The following FSD1L variants were observed in gnomAD, a reference collection of about 807,000 sequenced individuals.
FSD1L encodes fibronectin type III and SPRY domain containing 1 like, also known as FSD1-like protein.
FSD1L carries 45 observed loss-of-function variants against 71.6 expected under a neutral mutation model. That is an observed-to-expected ratio of 0.63 (90% CI 0.49 to 0.81). The LOEUF (loss-of-function observed/expected upper bound fraction) is 0.81, where lower values mean the gene tolerates loss of function less well. FSD1L is among the 30% of genes least tolerant of loss of function. The pLI is 0.00. For missense variants in FSD1L, 561 were observed against 618.1 expected (o/e 0.91, Z 0.98); for synonymous variants, 197 against 207.2 (o/e 0.95, Z 0.42).
At chr9:105,514,327 A>G (rs912035968) in intron 10 of FSD1L, among the ~76,000 whole-genome samples, 3 of 152,212 alleles carry the variant, frequency 2.0e-5, no homozygotes, top group East Asian at 1.9e-4. Context: ...TTAAGGTTAT[A>G]TTATTTCTCC....
rs1837125014 is a variant in FSD1L, at chr9:105,548,394, T to C, written c.*1911T>C. ...TTTAACAAATATGACACAGAAAAGGTCAGATGCTGTTGTATAAAATTTTTT... is the reference window on the plus strand; with the variant it reads ...TTTAACAAATATGACACAGAAAAGGCCAGATGCTGTTGTATAAAATTTTTT... On this transcript the variant is annotated 3_prime_UTR_variant, in exon 14 of 14. Transcript: ENST00000481272. 6.6e-6 allele frequency: 1 copy of C among 152,528 alleles called. No individual in the cohort carries two copies. The allele number at this position is 152,528 out of a possible 1,614,324, so 9.4% of individuals were successfully genotyped here.
At position 105,461,614 on chromosome 9, in the gene FSD1L, A is replaced by G; in HGVS notation, c.110A>G (p.Gln37Arg). The change falls in exon 2 of 14, where the codon CAG (glutamine) becomes CGG (arginine). Residue 37 changes from glutamine (Q) to arginine (R), a missense_variant and splice_region_variant. Physicochemically the swap from Gln to Arg is conservative, Grantham distance 43. Coordinates refer to ENST00000481272, the MANE Select transcript of FSD1L (RefSeq NM_001145313.3). ...TIGPESINLQQEALQRIISTL... is the reference protein window; with the variant it reads ...TIGPESINLQREALQRIISTL... The stretch of plus-strand genomic sequence containing the variant: ...GGACCAGAGTCTATTAACTTGCAGC[A>G]GGTTGGTAGCTCTTAAAGGAGCAGA... The G allele has an allele frequency of 1.9e-6, 3 of 1,542,404 alleles. No homozygotes were observed. The highest frequency in any genetic ancestry group is 3.3e-4 in the Middle Eastern group (2 of 5,972).
At position 105,547,797 on chromosome 9, in the gene FSD1L, A is replaced by G. The variant is rs1837092204; in HGVS notation, c.*1314A>G. 1 of 152,104 alleles carries G rather than the reference A, an allele frequency of 6.6e-6. No individual in the cohort carries two copies. The highest frequency in any genetic ancestry group is 2.4e-5 in the African/African-American group (1 of 41,442). The allele number at this position is 152,104 out of a possible 1,614,324, so 9.4% of individuals were successfully genotyped here. ...TACAGTATTTAATAATTCTTTGGGC[A>G]TTTTTAAGAGGTCTGAATTTGTATT... On this transcript the variant is annotated 3_prime_UTR_variant, in exon 14 of 14. Coordinates refer to ENST00000481272, the MANE Select transcript of FSD1L (RefSeq NM_001145313.3).
chr9:105,457,758 C>T (rs1420173054), intron 1 of FSD1L, among the ~76,000 whole-genome samples: 1 of 152,168 alleles, frequency 6.6e-6, no homozygotes, highest in Admixed American at 6.5e-5. Flanking sequence ...AGGCATGGAG[C>T]AGTGAGGGGT....
intron 10 of FSD1L, chr9:105,524,657 A>G: frequency 6.2e-7 from 1 of 1,613,962 alleles, no homozygotes; most frequent in Non-Finnish European, 8.5e-7. Context: ...TGCATTTGGA[A>G]AGTCTGAAAG....
At chr9:105,485,798 C>G (rs534814985) in intron 7 of FSD1L, among the ~76,000 whole-genome samples, 2 of 152,104 alleles carry the variant, frequency 1.3e-5, no homozygotes, top group African/African-American at 4.8e-5. Flanking sequence ...CAGCCGTCAC[C>G]AAGCCTGGCT....
At chr9:105,463,059 A>AC (rs1419251259) in intron 2 of FSD1L, among the ~76,000 whole-genome samples, 2 of 150,440 alleles carry the variant, frequency 1.3e-5, no homozygotes, top group African/African-American at 4.9e-5. Flanking sequence ...AATTGCTTGA[A>AC]CCCGGGAGGT....
chr9:105,544,672 GT>G (rs1836858926), intron 13 of FSD1L, among the ~76,000 whole-genome samples: 1 of 151,900 alleles, frequency 6.6e-6, no homozygotes, highest in South Asian at 2.1e-4. Flanking sequence ...AGCACCATTT[GT>G]TAAATAGGGA....
chr9:105,499,591 A>G (rs1210233379), intron 7 of FSD1L, among the ~76,000 whole-genome samples: 1 of 150,942 alleles, frequency 6.6e-6, no homozygotes, highest in Non-Finnish European at 1.5e-5. Context: ...GCTTCTTTCA[A>G]GTGTTTTCCT....
At chr9:105,448,332 G>A in intron 1 of FSD1L, 97 bp downstream of exon 1, 1 of 1,140,772 alleles carries the variant, frequency 8.8e-7, no homozygotes, top group Non-Finnish European at 1.2e-6. Context: ...TGCGCGGGGT[G>A]GGCCTGGCCG....
intron 5 of FSD1L, among the ~76,000 whole-genome samples, chr9:105,477,413 C>T (rs1831876454): frequency 6.6e-6 from 1 of 152,164 alleles, no homozygotes; most frequent in African/African-American, 2.4e-5. Flanking sequence ...CAGGGGCTGC[C>T]TCAGGTGATG....
chr9:105,469,263 A>G (rs1423083420), intron 4 of FSD1L, among the ~76,000 whole-genome samples: 3 of 152,118 alleles, frequency 2.0e-5, no homozygotes, highest in Admixed American at 6.5e-5. Flanking sequence ...TCTGTTTTCA[A>G]TTGTTTTGGA....
chr9:105,517,415 G>T (rs1834799608), intron 10 of FSD1L, among the ~76,000 whole-genome samples: 1 of 152,128 alleles, frequency 6.6e-6, no homozygotes, highest in Non-Finnish European at 1.5e-5. Flanking sequence ...CAGAGAGAAA[G>T]GTTGGATTAC....
At chr9:105,472,735 A>G (rs1243559781) in intron 5 of FSD1L, 1 of 152,180 alleles carries the variant, frequency 6.6e-6, no homozygotes, top group Admixed American at 6.5e-5. Context: ...GATTGTTTTC[A>G]TTTTATGATT....
chr9:105,466,046 TA>T (rs1264222344), intron 3 of FSD1L, among the ~76,000 whole-genome samples: 1 of 152,030 alleles, frequency 6.6e-6, no homozygotes, highest in Admixed American at 6.5e-5. Context: ...ATAAATTCAG[TA>T]AAGTTACAGA....
intron 10 of FSD1L, chr9:105,523,972 C>T: frequency 2.5e-6 from 4 of 1,592,654 alleles, no homozygotes; most frequent in Non-Finnish European, 3.4e-6. Context: ...CTTCTGGGAT[C>T]TTTGGTTTGC....
At chr9:105,472,758 G>A (rs1185671382) in intron 5 of FSD1L, 1 of 152,150 alleles carries the variant, frequency 6.6e-6, no homozygotes, top group Non-Finnish European at 1.5e-5. Context: ...CTGTGAACTT[G>A]AAGGTAGAAA....
intron 10 of FSD1L, chr9:105,521,811 A>T: frequency 6.2e-7 from 1 of 1,612,574 alleles, no homozygotes; most frequent in Non-Finnish European, 8.5e-7. Flanking sequence ...AGAACAAAAC[A>T]TACGAGCTGG....
At chr9:105,514,153 T>C (rs1303073302) in intron 10 of FSD1L, among the ~76,000 whole-genome samples, 1 of 152,254 alleles carries the variant, frequency 6.6e-6, no homozygotes, top group African/African-American at 2.4e-5. Context: ...TATTTGAAGA[T>C]ACTACATATC....
Sources: gnomAD v4.1 joint callset for allele counts (sites outside exome capture counted in the v4.1 genomes callset) on GRCh38, gnomAD v4.1.1 for gene constraint, MANE v1.5 for transcripts, NCBI Gene and HGNC (gene_info 2026-07-23, HGNC 2026-07-21) for gene names.